Variants in FIP1L1 observed in about 807,000 individuals in gnomAD.
FIP1L1 encodes the protein factor interacting with PAPOLA and CPSF1.
A neutral mutation model predicts 84.6 loss-of-function variants in FIP1L1; 21 were observed. That is an observed-to-expected ratio of 0.25 (90% CI 0.18 to 0.36). FIP1L1 has a LOEUF of 0.36. FIP1L1 is among the 10% of genes least tolerant of loss of function. The pLI, the probability that FIP1L1 is intolerant of heterozygous loss-of-function variation, is 1.00. For synonymous variants in FIP1L1, 263 were observed against 242.3 expected (o/e 1.09, Z -0.80); for missense variants, 526 against 751.1 (o/e 0.70, Z 3.50).
At chr4:53,411,639 C>G (rs1757276929) in intron 10 of FIP1L1, among the ~76,000 whole-genome samples, 1 of 152,084 alleles carries the variant, frequency 6.6e-6, no homozygotes, top group South Asian at 2.1e-4. Context: ...TGCTACTGAC[C>G]TAAGCACTGT....
chr4:53,383,799 T>C lies in FIP1L1; in HGVS notation c.255T>C (p.Ser85=). The change falls in exon 5 of 18, where the codon AGT becomes AGC. Residue 85 remains serine (S), a synonymous_variant. Transcript: ENST00000337488. The part of the protein sequence containing the change: ...KPKVTETEDD[S]DSDSDDDEDD... ...AAGTGACTGAGACCGAAGATGATAGTGATAGTGACAGCGATGATGATGAAG... is the reference window on the plus strand; with the variant it reads ...AAGTGACTGAGACCGAAGATGATAGCGATAGTGACAGCGATGATGATGAAG... 6.2e-7 allele frequency: 1 copy of C among 1,611,070 alleles called. No individual in the cohort carries two copies.
chr4:53,413,553 C>T (rs1205373467), intron 10 of FIP1L1, among the ~76,000 whole-genome samples: 1 of 151,970 alleles, frequency 6.6e-6, no homozygotes, highest in Admixed American at 6.6e-5. Flanking sequence ...GAACGTGGCT[C>T]CCAGAATCTT....
At chr4:53,385,201 G>A (rs1377449229) in intron 5 of FIP1L1, among the ~76,000 whole-genome samples, 8 of 152,216 alleles carry the variant, frequency 5.3e-5, no homozygotes, top group African/African-American at 1.9e-4. Flanking sequence ...TCTGCATGAT[G>A]CAAAAGGAAC....
Position 53,383,820 on chromosome 4 carries a change from T to C in FIP1L1, c.276T>C (p.Asp92=), listed in dbSNP as rs1209810328. The C allele has an allele frequency of 3.1e-6, 5 of 1,612,546 alleles. No individual in the cohort carries two copies. Among genetic ancestry groups the C allele is most frequent in the Non-Finnish European group, 4.2e-6 (5 of 1,178,844 alleles). The change falls in exon 5 of 18, where the codon GAT becomes GAC. Residue 92 remains aspartate, a synonymous_variant. Transcript: ENST00000337488. ...EDDSDSDSDD[D]EDDVHVTIGD... The stretch of plus-strand genomic sequence containing the variant: ...ATAGTGATAGTGACAGCGATGATGA[T>C]GAAGATGATGTTCATGTCACTATAG...
intron 15 of FIP1L1, among the ~76,000 whole-genome samples, chr4:53,447,025 TAGA>T (rs1774489977): frequency 6.6e-6 from 1 of 152,102 alleles, no homozygotes; most frequent in African/African-American, 2.4e-5. Flanking sequence ...AAGAAGTAAA[TAGA>T]AGAAAGTTAG....
chr4:53,451,769 G>T (rs149980472), intron 15 of FIP1L1, among the ~76,000 whole-genome samples: 1 of 151,488 alleles, frequency 6.6e-6, no homozygotes, highest in Non-Finnish European at 1.5e-5. Context: ...ATTGAATAGC[G>T]TATATTGTTT....
At chr4:53,420,028 C>G (rs1323748973) in intron 11 of FIP1L1, among the ~76,000 whole-genome samples, 3 of 151,594 alleles carry the variant, frequency 2.0e-5, no homozygotes, top group Admixed American at 1.3e-4. Flanking sequence ...AACCCCGTCT[C>G]TACTAAAAAT....
At chr4:53,416,602 A>G (rs1372360687) in intron 11 of FIP1L1, among the ~76,000 whole-genome samples, 1 of 152,234 alleles carries the variant, frequency 6.6e-6, no homozygotes, top group African/African-American at 2.4e-5. Context: ...CAGGACTAGA[A>G]TACCTGCTTT....
At chr4:53,386,465 T>C (rs1355482659) in intron 5 of FIP1L1, among the ~76,000 whole-genome samples, 3 of 152,150 alleles carry the variant, frequency 2.0e-5, no homozygotes, top group Non-Finnish European at 2.9e-5. Context: ...ATGCCAGACA[T>C]GTGAGTAAAT....
At chr4:53,410,431 C>T (rs530751188) in intron 10 of FIP1L1, among the ~76,000 whole-genome samples, 4 of 152,316 alleles carry the variant, frequency 2.6e-5, no homozygotes, top group East Asian at 3.9e-4. Flanking sequence ...CCAAGGTTCT[C>T]GTTTCCTTTG....
At chr4:53,435,673 C>T (rs1380980108) in intron 13 of FIP1L1, among the ~76,000 whole-genome samples, 2 of 151,964 alleles carry the variant, frequency 1.3e-5, no homozygotes, top group Non-Finnish European at 2.9e-5. Context: ...GTTGTGTGAC[C>T]GTACCACTTT....
chr4:53,442,660 T>G lies in FIP1L1; in HGVS notation c.1182T>G (p.Pro394=), dbSNP rs750446282. The G allele has an allele frequency of 6.2e-7, 1 of 1,603,134 alleles. No individual in the cohort carries two copies. The highest frequency in any genetic ancestry group is 1.1e-5 in the South Asian group (1 of 90,764). ...TATGATTGAATGTTTCAGGTTTTCCTCCTCCACCAGGCGCTCCACCTCCAT... is the reference window on the plus strand; with the variant it reads ...TATGATTGAATGTTTCAGGTTTTCCGCCTCCACCAGGCGCTCCACCTCCAT... The part of the protein sequence containing the change: ...APPLIPPPGF[P]PPPGAPPPSL... The change falls in exon 14 of 18, where the codon CCT becomes CCG. Residue 394 remains proline, a synonymous_variant. Transcript: ENST00000337488.
chr4:53,452,123 C>T (rs1381222034), intron 15 of FIP1L1, among the ~76,000 whole-genome samples: 1 of 151,974 alleles, frequency 6.6e-6, no homozygotes, highest in Non-Finnish European at 1.5e-5. Context: ...ATCTCATGAT[C>T]CACCCACCTC....
intron 16 of FIP1L1, among the ~76,000 whole-genome samples, chr4:53,454,546 A>C (rs2150415953): frequency 6.6e-6 from 1 of 152,336 alleles, no homozygotes; most frequent in Admixed American, 6.5e-5. Context: ...TTAGGAAAAA[A>C]CAGAGTTTGT....
chr4:53,392,590 A>G (rs971319805), intron 9 of FIP1L1, among the ~76,000 whole-genome samples: 7 of 152,242 alleles, frequency 4.6e-5, no homozygotes, highest in Non-Finnish European at 7.3e-5. Context: ...TGCAATGGGT[A>G]GAAAAGTTGT....
At chr4:53,434,289 T>C (rs1370868791) in intron 13 of FIP1L1, among the ~76,000 whole-genome samples, 2 of 152,134 alleles carry the variant, frequency 1.3e-5, no homozygotes, top group East Asian at 3.9e-4. Flanking sequence ...TTTTAAAAAT[T>C]TAGTGGGAAG....
intron 13 of FIP1L1, chr4:53,442,135 G>C (rs1772214210): frequency 6.5e-6 from 1 of 152,864 alleles, no homozygotes; most frequent in Non-Finnish European, 1.5e-5. Context: ...GTTTGTTAGG[G>C]TTGTGCTATT....
chr4:53,406,963 G>C (rs6829530), intron 10 of FIP1L1, among the ~76,000 whole-genome samples: 14,594 of 152,000 alleles, frequency 0.096, 1,234 homozygotes, highest in South Asian at 0.28. Context: ...AAAACCAGCT[G>C]CTGGATTCAT....
chr4:53,412,151 T>G (rs1340353262), intron 10 of FIP1L1, among the ~76,000 whole-genome samples: 3 of 152,178 alleles, frequency 2.0e-5, no homozygotes, highest in Non-Finnish European at 4.4e-5. Flanking sequence ...TTTGTCATAT[T>G]TGCGTTATAA....
Sources: gnomAD v4.1 joint callset for allele counts (sites outside exome capture counted in the v4.1 genomes callset) on GRCh38, gnomAD v4.1.1 for gene constraint, MANE v1.5 for transcripts, NCBI Gene and HGNC (gene_info 2026-07-23, HGNC 2026-07-21) for gene names.